The following CACHD1 variants were observed in gnomAD, a reference collection of about 807,000 sequenced individuals.
The protein encoded by CACHD1 is VWFA and cache domain-containing protein 1.
In CACHD1, 71 loss-of-function variants were observed where a neutral mutation model predicts 138.7. The observed-to-expected ratio is 0.51, with a 90% CI of 0.42 to 0.62. The LOEUF is 0.62. CACHD1 is among the 20% of genes least tolerant of loss of function. CACHD1 has a pLI of 0.00. For missense variants in CACHD1, 1,389 were observed against 1,625.3 expected, an observed-to-expected ratio of 0.85 and a Z score of 2.50; for synonymous variants, 578 against 591.5, an observed-to-expected ratio of 0.98 and a Z score of 0.33.
rs1649531884 is a variant in CACHD1, at chr1:64,663,800, G to A, written c.2057G>A (p.Ser686Asn). The stretch of plus-strand genomic sequence containing the variant: ...GTAGAGCACTACACCGCCTATCTCA[G>A]CGACAACACCCGCCTCATTGCTAAC... ...RMVEHYTAYL[S>N]DNTRLIANPG... The change falls in exon 14 of 27, where the codon AGC (serine) becomes AAC (asparagine). Residue 686 changes from serine to asparagine, a missense_variant. Ser to Asn is a conservative substitution (Grantham distance 46). This residue lies in a region of CACHD1 where 1,000 missense variants were observed against 1,114.7 expected (regional missense o/e 0.90). Coordinates refer to ENST00000651257, the MANE Select transcript of CACHD1 (RefSeq NM_020925.4). 2 of 1,614,112 alleles carry A rather than the reference G, an allele frequency of 1.2e-6. No homozygotes were observed. The highest frequency in any genetic ancestry group is 1.7e-6 in the Non-Finnish European group (2 of 1,180,002).
At chr1:64,600,776 A>T (rs746128685) in intron 3 of CACHD1, among the ~76,000 whole-genome samples, 3 of 152,224 alleles carry the variant, frequency 2.0e-5, no homozygotes, top group Non-Finnish European at 2.9e-5. Context: ...AGACTTGGGA[A>T]GTCATCACAA....
intron 5 of CACHD1, among the ~76,000 whole-genome samples, chr1:64,630,985 A>G (rs538238701): frequency 3.9e-5 from 6 of 152,282 alleles, no homozygotes; most frequent in South Asian, 4.1e-4. Flanking sequence ...CTGCTTTCCT[A>G]TGATGCCTTT....
intron 1 of CACHD1, among the ~76,000 whole-genome samples, chr1:64,496,555 A>T (rs182613914): frequency 1.3e-5 from 2 of 152,252 alleles, no homozygotes; most frequent in Admixed American, 1.3e-4. Flanking sequence ...ATGGCATCCC[A>T]CTTGAGGTTC....
At chr1:64,620,246 T>G (rs991009046) in intron 4 of CACHD1, among the ~76,000 whole-genome samples, 3 of 152,182 alleles carry the variant, frequency 2.0e-5, no homozygotes. Flanking sequence ...CATATTGACT[T>G]TGGAAACAGT....
intron 2 of CACHD1, chr1:64,563,538 TACAA>T (rs977157157): frequency 3.9e-5 from 6 of 152,230 alleles, no homozygotes; most frequent in African/African-American, 1.4e-4. Flanking sequence ...ACATGTGGCC[TACAA>T]ACACAGAATA....
At position 64,509,612 on chromosome 1, in the gene CACHD1, G is replaced by A. The variant is rs560857597; in HGVS notation, c.198+38670G>A. 3.3e-5 allele frequency among the ~76,000 whole-genome samples: 5 copies of A among 152,246 alleles called. No individual in the cohort carries two copies. In the South Asian group the frequency reaches 1.0e-3, roughly 32 times the overall value. ...CTTTGACCATGAAATCAGCCCTAGG[G>A]TGCTTTTTAAAGTAGGGAAGTTTTG... is the stretch of plus-strand genomic sequence containing the variant. On this transcript the variant is annotated intron_variant, in intron 1 of 26. Transcript: ENST00000651257.
chr1:64,523,085 GGGTATTT>G (rs1646510529), intron 1 of CACHD1, among the ~76,000 whole-genome samples: 1 of 152,218 alleles, frequency 6.6e-6, no homozygotes. Context: ...GAACCTGACT[GGGTATTT>G]GGTGAAATTC....
In CACHD1 at chr1:64,557,729, G is replaced by A. The variant is rs189750034; in HGVS notation, c.261+7073G>A. ...TTTGAGTCACAACCCATCAAAAGAG[G>A]TGTCCACACTCATTAGATCCAGTTC... On this transcript the variant is annotated intron_variant, in intron 2 of 26. Coordinates refer to ENST00000651257, the MANE Select transcript of CACHD1 (RefSeq NM_020925.4). Among the ~76,000 whole-genome samples the A allele has an allele frequency of 3.3e-3, 502 of 151,896 alleles. 12 individuals are homozygous for A. The highest frequency in any genetic ancestry group is 1.8e-3 in the Non-Finnish European group (121 of 67,926).
chr1:64,478,769 C>A (rs1189029821), intron 1 of CACHD1, among the ~76,000 whole-genome samples: 1 of 152,000 alleles, frequency 6.6e-6, no homozygotes, highest in Non-Finnish European at 1.5e-5. Flanking sequence ...ATGAAGTGGA[C>A]CAGGTGTAGG....
At chr1:64,669,481 C>T (rs1313313822) in intron 16 of CACHD1, among the ~76,000 whole-genome samples, 1 of 152,154 alleles carries the variant, frequency 6.6e-6, no homozygotes, top group African/African-American at 2.4e-5. Flanking sequence ...TTATCAGTTA[C>T]TCATAGTAAG....
In CACHD1 at chr1:64,675,553, C is replaced by T. The variant is rs1400887882; in HGVS notation, c.2880C>T (p.Asn960=). ...GCATGGTGGACCGACTCTGTCTCAA[C>T]TGTCACCGGTAAAAATGCAATGGGT... ...ACSMVDRLCL[N]CHRMEQNECE... The change falls in exon 20 of 27, where the codon AAC becomes AAT. Residue 960 remains asparagine, a synonymous_variant. Coordinates refer to ENST00000651257, the MANE Select transcript of CACHD1 (RefSeq NM_020925.4). 1 of 1,607,060 alleles carries T rather than the reference C, an allele frequency of 6.2e-7. No individual in the cohort carries two copies. Among genetic ancestry groups the T allele is most frequent in the East Asian group, 2.2e-5 (1 of 44,696 alleles).
At chr1:64,482,119 GTA>G (rs1341450274) in intron 1 of CACHD1, among the ~76,000 whole-genome samples, 4 of 152,254 alleles carry the variant, frequency 2.6e-5, no homozygotes, top group Admixed American at 2.6e-4. Context: ...ATATGTCTGT[GTA>G]TTTAAATATT....
chr1:64,635,116 T>G (rs893077), intron 7 of CACHD1, among the ~76,000 whole-genome samples: 150,130 of 151,600 alleles, frequency 0.99, 74,358 homozygotes, highest in East Asian at 1. Context: ...ATGGTCAGTC[T>G]GTACAATTTC....
chr1:64,625,729 C>A (rs572758184), intron 4 of CACHD1, among the ~76,000 whole-genome samples: 1 of 152,158 alleles, frequency 6.6e-6, no homozygotes, highest in Non-Finnish European at 1.5e-5. Flanking sequence ...CACAATATAT[C>A]CACATAACAA....
At chr1:64,596,032 G>A (rs1173677858) in intron 3 of CACHD1, among the ~76,000 whole-genome samples, 2 of 152,120 alleles carry the variant, frequency 1.3e-5, no homozygotes, top group Non-Finnish European at 2.9e-5. Flanking sequence ...ACTATTTCTC[G>A]GAATGTGATT....
chr1:64,658,989 C>T, intron 13 of CACHD1, 116 bp downstream of exon 13: 1 of 884,560 alleles, frequency 1.1e-6, no homozygotes, highest in Non-Finnish European at 1.6e-6. Context: ...GCAGAGTCAG[C>T]TGGTTTGGGG....
Position 64,530,695 on chromosome 1 carries a change from A to T in CACHD1, c.199-19899A>T, listed in dbSNP as rs184037479. 3.9e-3 allele frequency among the ~76,000 whole-genome samples: 598 copies of T among 152,078 alleles called. 4 individuals are homozygous for T. The highest frequency in any genetic ancestry group is 0.014 in the African/African-American group (571 of 41,468). On this transcript the variant is annotated intron_variant, in intron 1 of 26. Transcript: ENST00000651257. ...AGACCAGCCTGGCCAACATGGTGAA[A>T]CCCCGTCTCTACTAAAAATACAAAA... is the stretch of plus-strand genomic sequence containing the variant.
At chr1:64,620,265 A>G (rs1288697961) in intron 4 of CACHD1, among the ~76,000 whole-genome samples, 5 of 152,308 alleles carry the variant, frequency 3.3e-5, no homozygotes, top group Non-Finnish European at 5.9e-5. Flanking sequence ...GTGAATATCT[A>G]TATATCTTCC....
chr1:64,679,963 T>C (rs1239769548), intron 24 of CACHD1, among the ~76,000 whole-genome samples: 1 of 152,156 alleles, frequency 6.6e-6, no homozygotes. Context: ...CCCTGGATCC[T>C]CTCCTTACCA....
Sources: gnomAD v4.1 joint callset for allele counts (sites outside exome capture counted in the v4.1 genomes callset) on GRCh38, gnomAD v4.1.1 for gene constraint, gnomAD v4.1.1 regional missense constraint, MANE v1.5 for transcripts, NCBI Gene and HGNC (gene_info 2026-07-23, HGNC 2026-07-21) for gene names.